The following KCNQ1 variants were observed in gnomAD, a reference collection of about 807,000 sequenced individuals.
The protein encoded by KCNQ1 is potassium voltage-gated channel subfamily KQT member 1.
In KCNQ1, 49 loss-of-function variants were observed where a neutral mutation model predicts 72.4. The ratio of observed to expected loss-of-function variants is 0.68; its 90% CI spans 0.54 to 0.86. KCNQ1 has a LOEUF of 0.86. KCNQ1 is among the 40% of genes least tolerant of loss of function. The pLI is 0.00. For missense variants in KCNQ1, 790 were observed against 945.1 expected (o/e 0.84, Z 2.15); for synonymous variants, 450 against 412.6 (o/e 1.09, Z -1.10).
intron 15 of KCNQ1, among the ~76,000 whole-genome samples, chr11:2,842,725 A>G (rs886844715): frequency 1.3e-5 from 2 of 152,214 alleles, no homozygotes; most frequent in African/African-American, 4.8e-5. Flanking sequence ...CTTTGGCCTC[A>G]GGCCACAGGC....
rs1205677200 is a variant in KCNQ1 at position 2,515,894 on chromosome 11, G to A, written c.387-12034G>A. ...GGAGAAGCTCATGCCTTTCCTGCTT[G>A]CACCCCAGAGCCTGGCCACCCCTGT... On this transcript the variant is annotated intron_variant, in intron 1 of 15. Transcript: ENST00000155840. The surrounding 1 kb of genome is among the most constrained non-coding windows in gnomAD (Gnocchi z 4.7). Among the ~76,000 whole-genome samples, 1 of 151,830 alleles carries A rather than the reference G, an allele frequency of 6.6e-6. No homozygotes were observed. Among genetic ancestry groups the A allele is most frequent in the Admixed American group, 6.6e-5 (1 of 15,248 alleles).
rs1231797305 is a variant in KCNQ1 at position 2,652,792 on chromosome 11, C to T, written c.1394-9169C>T. The T allele has an allele frequency of 1.0e-5, 4 of 399,004 alleles. No individual in the cohort carries two copies. Among genetic ancestry groups the T allele is most frequent in the Non-Finnish European group, 1.8e-5 (4 of 226,504 alleles). 24.7% of individuals were successfully genotyped at this position (399,004 alleles called of 1,614,324 possible). A position where few individuals can be genotyped will look rare whatever the true frequency, so the allele number is the denominator to read the frequency against. ...TCCTCAGCGCCCCCGCTACTCAGAC[C>T]CCACCCTTGGGCCTGCAGAGACATT... On this transcript the variant is annotated intron_variant, in intron 10 of 15. Transcript: ENST00000155840. The surrounding 1 kb of genome is among the most constrained non-coding windows in gnomAD (Gnocchi z 5.9).
Position 2,468,181 on chromosome 11 carries a change from T to C in KCNQ1, c.386+22697T>C, listed in dbSNP as rs550569226. Among the ~76,000 whole-genome samples, 8 of 152,356 alleles carry C rather than the reference T, an allele frequency of 5.3e-5. No homozygotes were observed. Among genetic ancestry groups the C allele is most frequent in the African/African-American group, 1.9e-4 (8 of 41,582 alleles). On this transcript the variant is annotated intron_variant, in intron 1 of 15. Transcript: ENST00000155840. The surrounding 1 kb of genome is among the most constrained non-coding windows in gnomAD (Gnocchi z 5.7). ...TATTTTTCGAGACAGGGTCTCCCTC[T>C]GTCACTTAGGCTAAGAGTGCAGTGG...
intron 2 of KCNQ1, among the ~76,000 whole-genome samples, chr11:2,530,515 C>G (rs1847602254): frequency 6.6e-6 from 1 of 152,226 alleles, no homozygotes. Context: ...CCCTTTGTAC[C>G]TCTGCAGGTG....
At chr11:2,797,266 C>G (rs1847156870) in intron 15 of KCNQ1, among the ~76,000 whole-genome samples, 1 of 152,184 alleles carries the variant, frequency 6.6e-6, no homozygotes, top group African/African-American at 2.4e-5. Flanking sequence ...CCCAGCTCCC[C>G]AGAGACAGCC....
chr11:2,545,932 T>A (rs956217110), intron 2 of KCNQ1, among the ~76,000 whole-genome samples: 1 of 152,190 alleles, frequency 6.6e-6, no homozygotes, highest in Non-Finnish European at 1.5e-5. Context: ...TCAGCTAAAG[T>A]TTTAGCAAAT....
In KCNQ1 at chr11:2,673,427, G is replaced by A; in HGVS notation, c.1514+11346G>A. 1 of 398,688 alleles carries A rather than the reference G, an allele frequency of 2.5e-6. No homozygotes were observed. Among genetic ancestry groups the A allele is most frequent in the East Asian group, 3.6e-5 (1 of 28,084 alleles). The allele number at this position is 398,688 out of a possible 1,614,324, so 24.7% of individuals were successfully genotyped here. On this transcript the variant is annotated intron_variant, in intron 11 of 15. Transcript: ENST00000155840. This position sits in a 1 kb window ranked among gnomAD's most constrained non-coding sequence, Gnocchi z 4.5. ...CTTCTGCCTAGGCACCAGGCCTGGA[G>A]GTTCCAACTTGGTGTTGGGCCTCCT...
Position 2,498,034 on chromosome 11 carries a change from TC to T in KCNQ1, c.387-29892del, listed in dbSNP as rs1456077891. Among the ~76,000 whole-genome samples the T allele has an allele frequency of 6.6e-6, 1 of 152,196 alleles. No homozygotes were observed. The highest frequency in any genetic ancestry group is 1.5e-5 in the Non-Finnish European group (1 of 68,022). On this transcript the variant is annotated intron_variant, in intron 1 of 15. Transcript: ENST00000155840. This position sits in a 1 kb window ranked among gnomAD's most constrained non-coding sequence, Gnocchi z 4.8. ...ACAGCAAAGATTGCTGCCTACTCCT[TC>T]CTCTGGAAGCTTTGTCCCAGAAGGG...
chr11:2,575,094 AGCCTTCGCTGCTGCCCT>A (rs1367250303), intron 6 of KCNQ1, among the ~76,000 whole-genome samples: 1 of 152,170 alleles, frequency 6.6e-6, no homozygotes, highest in Non-Finnish European at 1.5e-5. Flanking sequence ...AGCAGTGCCC[AGCCTTCGCTGCTGCCCT>A]GCCTGCCTTC....
rs1053251038 is a variant in KCNQ1 at position 2,842,036 on chromosome 11, G to A, written c.1795-5731G>A. Among the ~76,000 whole-genome samples the A allele has an allele frequency of 5.3e-5, 8 of 152,322 alleles. No homozygotes were observed. In the South Asian group the frequency reaches 1.2e-3, roughly 24 times the overall value. On this transcript the variant is annotated intron_variant, in intron 15 of 15. Coordinates refer to ENST00000155840, the MANE Select transcript of KCNQ1 (RefSeq NM_000218.3). ...CCGCTGAGGACATAACCGACCATGA[G>A]CGGTGTGGGTCCCCAGCCGCGGCAG...
intron 11 of KCNQ1, among the ~76,000 whole-genome samples, chr11:2,758,922 G>A (rs1590071525): frequency 1.3e-5 from 2 of 152,194 alleles, no homozygotes; most frequent in Admixed American, 1.3e-4. Context: ...CACAGGAGAC[G>A]CAGAGGGGGT....
intron 1 of KCNQ1, among the ~76,000 whole-genome samples, chr11:2,510,435 C>T (rs989342375): frequency 2.6e-5 from 4 of 151,894 alleles, no homozygotes; most frequent in Non-Finnish European, 4.4e-5. Flanking sequence ...GGTGAAACCC[C>T]GTCTCTACTA....
intron 15 of KCNQ1, chr11:2,840,517 A>AAAAC (rs3216308): frequency 0.25 from 37,282 of 151,920 alleles, 5,558 homozygotes; most frequent in East Asian, 0.75. Flanking sequence ...CACAAATCAA[A>AAAAC]AAAGTATTAG....
Position 2,671,959 on chromosome 11 carries a change from T to C in KCNQ1, c.1514+9878T>C. On this transcript the variant is annotated intron_variant, in intron 11 of 15. Transcript: ENST00000155840. The surrounding 1 kb of genome is among the most constrained non-coding windows in gnomAD (Gnocchi z 4.7). ...GTCTCTGTATCTGGGGTAGAAAGAG[T>C]GGGCTAAAAAGTCAGCTAGCACCCC... 1 of 398,340 alleles carries C rather than the reference T, an allele frequency of 2.5e-6. No individual in the cohort carries two copies. The highest frequency in any genetic ancestry group is 4.4e-6 in the Non-Finnish European group (1 of 226,022). 24.7% of individuals were successfully genotyped at this position (398,340 alleles called of 1,614,324 possible).
chr11:2,683,566 G>C lies in KCNQ1; in HGVS notation c.1514+21485G>C, dbSNP rs920270481. 7 of 398,516 alleles carry C rather than the reference G, an allele frequency of 1.8e-5. No homozygotes were observed. The highest frequency in any genetic ancestry group is 1.2e-4 in the African/African-American group (6 of 48,626). 24.7% of individuals were successfully genotyped at this position (398,516 alleles called of 1,614,324 possible). A position where few individuals can be genotyped will look rare whatever the true frequency, so the allele number is the denominator to read the frequency against. ...AGGTAGAAGCCCCTACCTACTGACTGGCATCACAAACACTGCCCTGAAATG... is the reference window on the plus strand; with the variant it reads ...AGGTAGAAGCCCCTACCTACTGACTCGCATCACAAACACTGCCCTGAAATG... On this transcript the variant is annotated intron_variant, in intron 11 of 15. Coordinates refer to ENST00000155840, the MANE Select transcript of KCNQ1 (RefSeq NM_000218.3). The surrounding 1 kb of genome is among the most constrained non-coding windows in gnomAD (Gnocchi z 4.7).
intron 10 of KCNQ1, chr11:2,615,904 C>T: frequency 2.5e-6 from 1 of 398,002 alleles, no homozygotes; most frequent in Non-Finnish European, 4.4e-6. Context: ...GTTTTTTCTC[C>T]TCTGTTTTTT....
Position 2,699,581 on chromosome 11 carries a change from G to A in KCNQ1, c.1514+37500G>A, listed in dbSNP as rs376052942. ...AGGAGAACCATGCTGAGGAGCCCCC[G>A]GGGAGAACAGAACCGCGGCGAGAGG... On this transcript the variant is annotated intron_variant, in intron 11 of 15. Coordinates refer to ENST00000155840, the MANE Select transcript of KCNQ1 (RefSeq NM_000218.3). 5.7e-4 allele frequency: 138 copies of A among 240,900 alleles called. No individual in the cohort carries two copies. The highest frequency in any genetic ancestry group is 4.5e-3 in the East Asian group (68 of 15,272). 14.9% of individuals were successfully genotyped at this position (240,900 alleles called of 1,614,324 possible).
chr11:2,535,863 C>T (rs1053386692), intron 2 of KCNQ1, among the ~76,000 whole-genome samples: 5 of 152,220 alleles, frequency 3.3e-5, no homozygotes, highest in African/African-American at 4.8e-5. Flanking sequence ...GCTGCTGCTC[C>T]CCGGAGGCAG....
At chr11:2,777,068 C>T (rs1412899284) in intron 14 of KCNQ1, 36 bp downstream of exon 14, 1 of 1,606,832 alleles carries the variant, frequency 6.2e-7, no homozygotes, top group South Asian at 1.1e-5. Flanking sequence ...GGCCCAGCAG[C>T]CTGCAATGGA....
Sources: gnomAD v4.1 joint callset for allele counts (sites outside exome capture counted in the v4.1 genomes callset) on GRCh38, gnomAD v4.1.1 for gene constraint, Gnocchi (gnomAD v3.1) non-coding constraint, MANE v1.5 for transcripts, NCBI Gene and HGNC (gene_info 2026-07-23, HGNC 2026-07-21) for gene names.